Variants in URGCP observed in about 807,000 individuals in gnomAD.
The protein encoded by URGCP is upregulator of cell proliferation, also known as up-regulator of cell proliferation.
A neutral mutation model predicts 24.6 loss-of-function variants in URGCP; 13 were observed. The ratio of observed to expected loss-of-function variants is 0.53; its 90% confidence interval spans 0.34 to 0.84. URGCP has a LOEUF of 0.84. Among genes scored for constraint, URGCP ranks in the 40% least tolerant of loss-of-function variants. URGCP has a pLI of 0.01. For synonymous variants in URGCP, 444 were observed against 487.2 expected (o/e 0.91, Z 1.17); for missense variants, 899 against 1,194.3 (o/e 0.75, Z 3.64).
In URGCP at chr7:43,878,717, C is replaced by T. The variant is rs1415176031; in HGVS notation, c.746G>A (p.Ser249Asn). ...WWSQPPRGMG[S>N]FREDSVVLSR... is the part of the protein sequence containing the mutation. ...CAAGACCACGCTGTCTTCCCGGAAG[C>T]TCCCCATGCCCCTTGGGGGCTGGGA... The change falls in exon 6 of 6, where the codon AGC (serine) becomes AAC (asparagine). Residue 249 changes from serine to asparagine, a missense_variant. Transcript: ENST00000453200. This position sits in a 1 kb window ranked among gnomAD's most constrained non-coding sequence, Gnocchi z 5.6. 3 of 1,614,168 alleles carry T rather than the reference C, an allele frequency of 1.9e-6. No individual in the cohort carries two copies. Among genetic ancestry groups the T allele is most frequent in the Non-Finnish European group, 2.5e-6 (3 of 1,180,022 alleles).
At position 43,878,439 on chromosome 7, in the gene URGCP, C is replaced by G. The variant is rs369567833; in HGVS notation, c.1024G>C (p.Gly342Arg). Residue 342 changes from glycine to arginine, a missense_variant, in exon 6 of 6, where the codon GGG (glycine) becomes CGG (arginine). By Grantham distance (125) the Gly-to-Arg change is moderately radical (BLOSUM62 -2). Transcript: ENST00000453200. The surrounding 1 kb of genome is among the most constrained non-coding windows in gnomAD (Gnocchi z 5.6). Reference sequence around the variant, plus strand: ...AGCTTAAACTGCAGCCAGTGAGACCCGATGTCACCTCTCAGGTTCAGAAAG... The same window carrying G: ...AGCTTAAACTGCAGCCAGTGAGACCGGATGTCACCTCTCAGGTTCAGAAAG... Reference protein sequence around the residue: ...VAFLNLRGDIGSHWLQFKLLT... With the variant: ...VAFLNLRGDIRSHWLQFKLLT... 13 of 1,614,038 alleles carry G rather than the reference C, an allele frequency of 8.1e-6. No homozygotes were observed. The highest frequency in any genetic ancestry group is 1.1e-5 in the Non-Finnish European group (13 of 1,180,038).
intron 1 of URGCP, among the ~76,000 whole-genome samples, chr7:43,890,291 T>C (rs551556809): frequency 6.8e-6 from 1 of 147,548 alleles, no homozygotes; most frequent in South Asian, 2.2e-4. Flanking sequence ...CTCGACTCAC[T>C]GCAAGCTCTG....
chr7:43,911,766 C>T (rs1321974103), intron 1 of URGCP, among the ~76,000 whole-genome samples: 1 of 152,128 alleles, frequency 6.6e-6, no homozygotes, highest in Non-Finnish European at 1.5e-5. Context: ...ACATGTTCTT[C>T]TCAAATGCAC....
At chr7:43,900,475 A>C (rs1378785566) in intron 1 of URGCP, among the ~76,000 whole-genome samples, 1 of 148,588 alleles carries the variant, frequency 6.7e-6, no homozygotes, top group Non-Finnish European at 1.5e-5. Flanking sequence ...AAAACAAAAA[A>C]AAAAAAAAAA....
At chr7:43,892,105 A>G (rs2095871677) in intron 1 of URGCP, among the ~76,000 whole-genome samples, 3 of 151,480 alleles carry the variant, frequency 2.0e-5, no homozygotes, top group African/African-American at 2.4e-5. Context: ...TTTTATAGAG[A>G]CAGGGTTTCG....
intron 1 of URGCP, among the ~76,000 whole-genome samples, chr7:43,915,838 G>A (rs539730251): frequency 4.6e-5 from 7 of 152,092 alleles, no homozygotes; most frequent in Non-Finnish European, 8.8e-5. Flanking sequence ...GTGAAACCCC[G>A]TCTCTACTAA....
At chr7:43,894,513 C>T (rs994359737) in intron 1 of URGCP, among the ~76,000 whole-genome samples, 3 of 152,004 alleles carry the variant, frequency 2.0e-5, no homozygotes, top group African/African-American at 7.2e-5. Context: ...CCACCATGCC[C>T]AGCTAATTAT....
In URGCP at chr7:43,878,005, C is replaced by T. The variant is rs2232098; in HGVS notation, c.1458G>A (p.Ser486=). The T allele has an allele frequency of 3.2e-3, 5,127 of 1,614,222 alleles. 163 individuals are homozygous for T. In the African/African-American group the frequency reaches 0.06, roughly 19 times the overall value. The change falls in exon 6 of 6, where the codon TCG becomes TCA. Residue 486 remains serine (S), a synonymous_variant. Coordinates refer to ENST00000453200, the MANE Select transcript of URGCP (RefSeq NM_001077663.3). The surrounding 1 kb of genome is among the most constrained non-coding windows in gnomAD (Gnocchi z 5.6). Reference sequence around the variant, plus strand: ...TCAGCTCGTCCCTTCTGTAGGCATCCGAGTCTTTGATTTTCCTGGTAATCC... The same window carrying T: ...TCAGCTCGTCCCTTCTGTAGGCATCTGAGTCTTTGATTTTCCTGGTAATCC... ...MERITRKIKD[S]DAYRRDELRL...
At chr7:43,879,386 A>G in intron 5 of URGCP, 126 bp from the exon 6 acceptor site, 7 of 1,111,280 alleles carry the variant, frequency 6.3e-6, no homozygotes, top group Non-Finnish European at 7.5e-6. Flanking sequence ...AGCAGAGTGC[A>G]GGCACAGGAG....
intron 1 of URGCP, among the ~76,000 whole-genome samples, chr7:43,891,061 C>T (rs1015108522): frequency 6.6e-6 from 1 of 152,142 alleles, no homozygotes; most frequent in African/African-American, 2.4e-5. Flanking sequence ...TTTAGCAGAC[C>T]TGGGTGTTCA....
upstream of URGCP, among the ~76,000 whole-genome samples, chr7:43,908,843 C>G (rs924431652): frequency 6.6e-6 from 1 of 152,110 alleles, no homozygotes; most frequent in Non-Finnish European, 1.5e-5. Context: ...ATTTGTATGC[C>G]TTTTCTTCAA....
At chr7:43,884,635 C>G (rs543795678) in intron 3 of URGCP, among the ~76,000 whole-genome samples, 1 of 152,220 alleles carries the variant, frequency 6.6e-6, no homozygotes, top group East Asian at 1.9e-4. Context: ...TCAAGACCAG[C>G]CTGGGCACAA....
rs143348809 is a variant in URGCP, at chr7:43,919,399, C to T, written c.-116+6733G>A. 1.0e-4 allele frequency: 87 copies of T among 871,634 alleles called. No homozygotes were observed. In the African/African-American group the frequency reaches 1.3e-3, roughly 13 times the overall value. 54.0% of individuals were successfully genotyped at this position (871,634 alleles called of 1,614,324 possible). On this transcript the variant is annotated intron_variant, in intron 1 of 5. Transcript: ENST00000426198. ...TCTCAGACCAACCAGCTGGTGTCCA[C>T]CATCATCTCGGCCAGCACCATCACC...
In URGCP at chr7:43,906,572, C is replaced by G; in HGVS notation, c.4G>C (p.Ala2Pro). The part of the protein sequence containing the change: M[A>P]SPGIEVELLG... ...CGAGGCGGCACTCACCCGGGCGACG[C>G]CATGAGCGCAGCGAGGTCTCCGCTC... The change falls in exon 1 of 6, where the codon GCG becomes CCG. Residue 2 changes from alanine to proline, a missense_variant. Coordinates refer to ENST00000453200, the MANE Select transcript of URGCP (RefSeq NM_001077663.3). 5 of 1,243,346 alleles carry G rather than the reference C, an allele frequency of 4.0e-6. No homozygotes were observed. Among genetic ancestry groups the G allele is most frequent in the Non-Finnish European group, 5.1e-6 (5 of 985,908 alleles). The allele number at this position is 1,243,346 out of a possible 1,614,324, so 77.0% of individuals were successfully genotyped here.
chr7:43,890,485 G>A (rs1225799209), intron 1 of URGCP, among the ~76,000 whole-genome samples: 1 of 152,084 alleles, frequency 6.6e-6, no homozygotes, highest in Non-Finnish European at 1.5e-5. Context: ...CAAAGTGCTG[G>A]GATTACAGAC....
At position 43,877,397 on chromosome 7, in the gene URGCP, C is replaced by T. The variant is rs2095846440; in HGVS notation, c.2066G>A (p.Arg689Gln). The T allele has an allele frequency of 1.2e-6, 2 of 1,613,316 alleles. No homozygotes were observed. Among genetic ancestry groups the T allele is most frequent in the South Asian group, 1.1e-5 (1 of 91,086 alleles). ...GGTTGACAGAACCACCAGCCTTGAC[C>T]GTCTCTCCAGTCGGACGTGCAGCTC... The part of the protein sequence containing the change: ...LKELHVRLER[R>Q]SRLVVLSTVG... The change falls in exon 6 of 6, where the codon CGG becomes CAG. Residue 689 changes from arginine to glutamine, a missense_variant. Physicochemically the swap from Arg to Gln is conservative, Grantham distance 43 (BLOSUM62 1). Transcript: ENST00000453200.
At chr7:43,880,321 A>G (rs757090476) in intron 5 of URGCP, among the ~76,000 whole-genome samples, 3 of 152,210 alleles carry the variant, frequency 2.0e-5, no homozygotes, top group Non-Finnish European at 4.4e-5. Flanking sequence ...CACCCTATAC[A>G]ATATAAGATC....
chr7:43,880,801 C>T (rs904420784), intron 5 of URGCP, among the ~76,000 whole-genome samples: 6 of 152,148 alleles, frequency 3.9e-5, no homozygotes, highest in Admixed American at 6.5e-5. Context: ...GTTCCTTTCT[C>T]GAGAGAGGAA....
Position 43,877,206 on chromosome 7 carries a change from A to C in URGCP, c.2257T>G (p.Ser753Ala). 6.2e-7 allele frequency: 1 copy of C among 1,614,098 alleles called. No homozygotes were observed. Among genetic ancestry groups the C allele is most frequent in the Non-Finnish European group, 8.5e-7 (1 of 1,180,014 alleles). The change falls in exon 6 of 6, where the codon TCC becomes GCC. Residue 753 changes from serine to alanine, a missense_variant. Coordinates refer to ENST00000453200, the MANE Select transcript of URGCP (RefSeq NM_001077663.3). The part of the protein sequence containing the change: ...LGCDHILVID[S>A]GGLIGGALTS... ...AAGGCCCCACCTATCAAGCCCCCGG[A>C]GTCTATCACCAGGATGTGGTCACAG...
Sources: allele counts gnomAD v4.1 joint callset (sites outside exome capture counted in the v4.1 genomes callset), GRCh38; gene constraint gnomAD v4.1.1; non-coding constraint Gnocchi (gnomAD v3.1); transcripts MANE v1.5; gene names NCBI Gene and HGNC (gene_info 2026-07-23, HGNC 2026-07-21).